Variants in LCMT1 observed in about 807,000 individuals in gnomAD.
The protein encoded by LCMT1 is leucine carboxyl methyltransferase 1, also known as [Phosphatase 2A protein]-leucine-carboxy methyltransferase 1.
Under a neutral mutation model 47.7 loss-of-function variants are expected in LCMT1, and 32 were observed. The observed-to-expected ratio is 0.67, with a 90% CI of 0.51 to 0.90. LCMT1 has a LOEUF of 0.90. LCMT1 is among the 40% of genes least tolerant of loss of function. The pLI, the probability that LCMT1 is intolerant of heterozygous loss-of-function variation, is 0.00. For synonymous variants in LCMT1, 152 were observed against 149.7 expected (o/e 1.02, Z -0.11); for missense variants, 375 against 415.2 (o/e 0.90, Z 0.84).
rs535592457 is a variant in LCMT1, at chr16:25,134,103, T to C, written c.327+1580T>C. ...GTAGGTTTGTACAGATTTTGCTTGG[T>C]TCTTCTGTCAGGTCCGTCATGTGAC... is the stretch of plus-strand genomic sequence containing the variant. On this transcript the variant is annotated intron_variant, in intron 3 of 10. Coordinates refer to ENST00000399069, the MANE Select transcript of LCMT1 (RefSeq NM_016309.3). Among the ~76,000 whole-genome samples the C allele has an allele frequency of 4.2e-3, 638 of 151,696 alleles. 4 individuals are homozygous for C. Among genetic ancestry groups the C allele is most frequent in the Non-Finnish European group, 4.4e-3 (301 of 67,900 alleles).
intron 1 of LCMT1, among the ~76,000 whole-genome samples, chr16:25,120,785 T>C (rs1959959440): frequency 6.8e-6 from 1 of 146,258 alleles, no homozygotes; most frequent in Non-Finnish European, 1.5e-5. Context: ...TCTTACTCTG[T>C]GGCCCAGGGT....
intron 9 of LCMT1, among the ~76,000 whole-genome samples, chr16:25,173,273 T>G (rs1484008367): frequency 1.3e-5 from 2 of 152,208 alleles, no homozygotes; most frequent in African/African-American, 4.8e-5. Context: ...AGTGAACAGC[T>G]TAATAATTAG....
At chr16:25,176,190 A>T (rs879405653) in intron 10 of LCMT1, among the ~76,000 whole-genome samples, 10 of 152,078 alleles carry the variant, frequency 6.6e-5, no homozygotes, top group Non-Finnish European at 1.2e-4. Context: ...GTCCTGGTCC[A>T]GCTCCTTTTC....
chr16:25,157,158 G>GTT (rs1463387622), intron 5 of LCMT1, among the ~76,000 whole-genome samples: 1 of 152,002 alleles, frequency 6.6e-6, no homozygotes, highest in Non-Finnish European at 1.5e-5. Flanking sequence ...ACTTGTGTGT[G>GTT]TGTGTGTGTG....
chr16:25,173,974 C>T (rs1000570823), intron 9 of LCMT1, among the ~76,000 whole-genome samples: 1 of 152,200 alleles, frequency 6.6e-6, no homozygotes, highest in Admixed American at 6.5e-5. Context: ...TACAGTGGCG[C>T]GATCTCTGCT....
chr16:25,146,818 A>T (rs1375573918), intron 4 of LCMT1: 1 of 151,894 alleles, frequency 6.6e-6, no homozygotes, highest in Admixed American at 6.6e-5. Context: ...GACTACTGGG[A>T]TCTCCTTCTT....
At chr16:25,169,943 G>C (rs1042590622) in intron 8 of LCMT1, among the ~76,000 whole-genome samples, 1 of 152,022 alleles carries the variant, frequency 6.6e-6, no homozygotes, top group Admixed American at 6.6e-5. Context: ...TTTTTGGGCG[G>C]GCGCGGTGGC....
At chr16:25,157,643 G>A (rs754572223) in intron 5 of LCMT1, among the ~76,000 whole-genome samples, 27 of 152,170 alleles carry the variant, frequency 1.8e-4, no homozygotes, top group Non-Finnish European at 7.3e-5. Flanking sequence ...TAGCTTCTGC[G>A]CTGTAACAAA....
intron 6 of LCMT1, 44 bp downstream of exon 6, chr16:25,161,248 T>C (rs770093285): frequency 5.8e-5 from 63 of 1,084,474 alleles, no homozygotes; most frequent in Admixed American, 3.1e-4. Flanking sequence ...TGTGATTTTA[T>C]GCTAATTATG....
intron 9 of LCMT1, 124 bp from the exon 10 acceptor site, chr16:25,174,813 A>G (rs1257571265): frequency 4.4e-6 from 2 of 456,254 alleles, no homozygotes; most frequent in South Asian, 5.0e-5. Flanking sequence ...CATAATTACT[A>G]TTTTATAGCC....
intron 1 of LCMT1, among the ~76,000 whole-genome samples, chr16:25,120,419 TTTTTTC>T (rs1271203791): frequency 6.7e-6 from 1 of 150,114 alleles, no homozygotes; most frequent in Non-Finnish European, 1.5e-5. Context: ...TGATTTCTTT[TTTTTTC>T]TTTTTCTTTT....
intron 1 of LCMT1, among the ~76,000 whole-genome samples, chr16:25,113,041 T>C (rs1454821269): frequency 6.7e-6 from 1 of 148,524 alleles, no homozygotes; most frequent in Non-Finnish European, 1.5e-5. Flanking sequence ...CTCGGGAGGC[T>C]GAGGCCGGAG....
At chr16:25,112,248 C>G (rs1214940872) in intron 1 of LCMT1, among the ~76,000 whole-genome samples, 2 of 152,232 alleles carry the variant, frequency 1.3e-5, no homozygotes, top group African/African-American at 2.4e-5. Flanking sequence ...CTGAGCCAGA[C>G]AGACGAGGCC....
intron 9 of LCMT1, among the ~76,000 whole-genome samples, chr16:25,171,185 A>C (rs1247974090): frequency 3.9e-5 from 6 of 152,128 alleles, no homozygotes; most frequent in Non-Finnish European, 7.4e-5. Context: ...GGTTGCAGTG[A>C]GCTGAGATCG....
intron 5 of LCMT1, among the ~76,000 whole-genome samples, chr16:25,158,304 A>G (rs1024427607): frequency 3.9e-5 from 6 of 152,338 alleles, no homozygotes; most frequent in African/African-American, 1.2e-4. Context: ...GGTGTGCACC[A>G]CCACGCCTGG....
rs1406593466 is a variant in LCMT1, at chr16:25,111,817, C to A, written c.-67C>A. 4.6e-6 allele frequency: 5 copies of A among 1,080,378 alleles called. No individual in the cohort carries two copies. The highest frequency in any genetic ancestry group is 2.6e-5 in the East Asian group (1 of 38,800). 66.9% of individuals were successfully genotyped at this position (1,080,378 alleles called of 1,614,324 possible). ...GCTTTCTCCCTGTGGCTCGCGCCGTCCCCCGCCGCCCGTCGACCCCGCTTC... is the reference window on the plus strand; with the variant it reads ...GCTTTCTCCCTGTGGCTCGCGCCGTACCCCGCCGCCCGTCGACCCCGCTTC... On this transcript the variant is annotated 5_prime_UTR_variant, in exon 1 of 11. Coordinates refer to ENST00000399069, the MANE Select transcript of LCMT1 (RefSeq NM_016309.3).
At chr16:25,138,896 A>G (rs1041147080) in intron 3 of LCMT1, among the ~76,000 whole-genome samples, 1 of 149,586 alleles carries the variant, frequency 6.7e-6, no homozygotes, top group Non-Finnish European at 1.5e-5. Context: ...AATCTTCACA[A>G]CCCCATAAAG....
At chr16:25,146,438 C>A (rs277912) in intron 4 of LCMT1, 101,914 of 152,030 alleles carry the variant, frequency 0.67, 34,623 homozygotes, top group Non-Finnish European at 0.74. Flanking sequence ...TTCCAGTGAC[C>A]CCCTCCATCC....
intron 4 of LCMT1, among the ~76,000 whole-genome samples, chr16:25,151,008 G>A (rs1194836778): frequency 2.6e-5 from 4 of 152,172 alleles, no homozygotes; most frequent in African/African-American, 7.2e-5. Context: ...GGGACAGAAA[G>A]TGTGTTGGTG....
Sources: allele counts gnomAD v4.1 joint callset (sites outside exome capture counted in the v4.1 genomes callset), GRCh38; gene constraint gnomAD v4.1.1; transcripts MANE v1.5; gene names NCBI Gene and HGNC (gene_info 2026-07-23, HGNC 2026-07-21).